The following CACNA1E variants were observed in gnomAD, a reference collection of about 807,000 sequenced individuals.
The protein encoded by CACNA1E is voltage-dependent R-type calcium channel subunit alpha-1E.
CACNA1E carries 40 observed loss-of-function variants against 259.2 expected under a neutral mutation model. The ratio of observed to expected loss-of-function variants is 0.15; its 90% CI spans 0.12 to 0.20. The LOEUF is 0.20. CACNA1E is among the 10% of genes least tolerant of loss of function. The pLI is 1.00. For missense variants in CACNA1E, 1,874 were observed against 3,040.1 expected (o/e 0.62, Z 9.02); for synonymous variants, 1,104 against 1,138.5 (o/e 0.97, Z 0.61).
chr1:181,363,374 G>A (rs1330970695), intron 1 of CACNA1E, among the ~76,000 whole-genome samples: 2 of 152,224 alleles, frequency 1.3e-5, no homozygotes, highest in African/African-American at 4.8e-5. Context: ...GAAGGAAGTA[G>A]AGAATCCATG....
chr1:181,465,490 A>G (rs961044592), intron 2 of CACNA1E, among the ~76,000 whole-genome samples: 1 of 151,956 alleles, frequency 6.6e-6, no homozygotes, highest in African/African-American at 2.4e-5. Flanking sequence ...TCTGTCTTCC[A>G]TGTCTGTTAA....
intron 7 of CACNA1E, among the ~76,000 whole-genome samples, chr1:181,687,289 G>C (rs928974323): frequency 1.3e-5 from 2 of 152,126 alleles, no homozygotes; most frequent in African/African-American, 4.8e-5. Flanking sequence ...GTTTTTTAAT[G>C]AACAATAGGA....
At chr1:181,439,463 T>C (rs1311349534) in intron 2 of CACNA1E, among the ~76,000 whole-genome samples, 1 of 152,086 alleles carries the variant, frequency 6.6e-6, no homozygotes, top group African/African-American at 2.4e-5. Context: ...TCCGAGTTGC[T>C]TGTGGTGTGA....
intron 3 of CACNA1E, among the ~76,000 whole-genome samples, chr1:181,547,074 A>C (rs1043724883): frequency 1.3e-5 from 2 of 152,146 alleles, no homozygotes; most frequent in Admixed American, 6.5e-5. Context: ...AACGGCCATG[A>C]AAATCTCACT....
intron 3 of CACNA1E, among the ~76,000 whole-genome samples, chr1:181,519,985 G>A (rs924831190): frequency 6.6e-6 from 1 of 152,020 alleles, no homozygotes; most frequent in Admixed American, 6.6e-5. Context: ...TGAAGTGAAG[G>A]TAAAACCTGC....
chr1:181,332,636 G>T (rs1011676262), intron 1 of CACNA1E, among the ~76,000 whole-genome samples: 14 of 152,152 alleles, frequency 9.2e-5, no homozygotes, highest in Middle Eastern at 3.2e-3. Flanking sequence ...TTCTAGTTTG[G>T]TGGGTGGGGA....
intron 3 of CACNA1E, among the ~76,000 whole-genome samples, chr1:181,546,366 G>A (rs995240103): frequency 2.0e-5 from 3 of 152,136 alleles, no homozygotes; most frequent in African/African-American, 7.2e-5. Flanking sequence ...AGGAATTAGG[G>A]CACTTGGAAG....
At chr1:181,516,484 T>C (rs558576278) in intron 3 of CACNA1E, among the ~76,000 whole-genome samples, 66 of 152,202 alleles carry the variant, frequency 4.3e-4, no homozygotes, top group African/African-American at 1.5e-3. Flanking sequence ...ACAGACAATT[T>C]AACTTGTCCA....
intron 1 of CACNA1E, among the ~76,000 whole-genome samples, chr1:181,375,526 T>G (rs927537397): frequency 6.6e-6 from 1 of 152,218 alleles, no homozygotes; most frequent in Non-Finnish European, 1.5e-5. Flanking sequence ...TTTTGTTTGG[T>G]GCTTACTTCG....
intron 32 of CACNA1E, among the ~76,000 whole-genome samples, chr1:181,762,157 T>C (rs1190910361): frequency 1.3e-5 from 2 of 152,242 alleles, no homozygotes; most frequent in African/African-American, 2.4e-5. Flanking sequence ...ACCATGGCAA[T>C]GGTTTCACAG....
intron 2 of CACNA1E, among the ~76,000 whole-genome samples, chr1:181,445,488 G>T (rs1202140723): frequency 1.7e-5 from 2 of 118,036 alleles, no homozygotes; most frequent in African/African-American, 4.5e-5. Flanking sequence ...ATGAAGGATG[G>T]AAGTGATTCT....
In CACNA1E at chr1:181,485,882, C is replaced by T. The variant is rs1202784401; in HGVS notation, c.266+1872C>T. Among the ~76,000 whole-genome samples, 1 of 152,232 alleles carries T rather than the reference C, an allele frequency of 6.6e-6. No homozygotes were observed. Among genetic ancestry groups the T allele is most frequent in the East Asian group, 1.9e-4 (1 of 5,194 alleles). ...CGGTAGACAAAGCCGCCCAACCGCC[C>T]CGCGGGTGGCAAAGTGTGCCAGCAG... On this transcript the variant is annotated intron_variant, in intron 1 of 47. Transcript: ENST00000367573. This position sits in a 1 kb window ranked among gnomAD's most constrained non-coding sequence, Gnocchi z 4.2.
At chr1:181,351,652 C>T (rs938119145) in intron 1 of CACNA1E, among the ~76,000 whole-genome samples, 1 of 152,172 alleles carries the variant, frequency 6.6e-6, no homozygotes, top group African/African-American at 2.4e-5. Flanking sequence ...CCTTGGCTTT[C>T]CCAGGTTCTG....
chr1:181,640,001 G>C (rs1463870130), intron 6 of CACNA1E, among the ~76,000 whole-genome samples: 1 of 152,186 alleles, frequency 6.6e-6, no homozygotes, highest in Non-Finnish European at 1.5e-5. Flanking sequence ...TCTGTCGTCT[G>C]ATACAGGCAC....
rs78005156 is a variant in CACNA1E, at chr1:181,800,021, C to G, written c.*1187C>G. On this transcript the variant is annotated 3_prime_UTR_variant, in exon 48 of 48. Coordinates refer to ENST00000367573, the MANE Select transcript of CACNA1E (RefSeq NM_001205293.3). ...AGAACACACATATCCAAGTAGGCTA[C>G]CCACCACTGGGTAGGGATTTCTGTA... 1 of 152,490 alleles carries G rather than the reference C, an allele frequency of 6.6e-6. No homozygotes were observed. Among genetic ancestry groups the G allele is most frequent in the East Asian group, 1.9e-4 (1 of 5,188 alleles). 9.4% of individuals were successfully genotyped at this position (152,490 alleles called of 1,614,324 possible). A position where few individuals can be genotyped will look rare whatever the true frequency, so the allele number is the denominator to read the frequency against.
chr1:181,623,544 A>G (rs910782609), intron 6 of CACNA1E, among the ~76,000 whole-genome samples: 3 of 152,244 alleles, frequency 2.0e-5, no homozygotes, highest in South Asian at 2.1e-4. Flanking sequence ...AATAAAATAC[A>G]TTTTAAATTC....
intron 7 of CACNA1E, among the ~76,000 whole-genome samples, chr1:181,670,465 T>C (rs1648680256): frequency 6.6e-6 from 1 of 152,158 alleles, no homozygotes; most frequent in South Asian, 2.1e-4. Context: ...AATTACTCTT[T>C]CCTGTTGAAG....
chr1:181,669,523 T>C (rs1015331916), intron 7 of CACNA1E, among the ~76,000 whole-genome samples: 1 of 152,228 alleles, frequency 6.6e-6, no homozygotes, highest in Non-Finnish European at 1.5e-5. Flanking sequence ...TATATACTCC[T>C]CTATTAGAGC....
intron 3 of CACNA1E, among the ~76,000 whole-genome samples, chr1:181,570,020 G>A (rs775580827): frequency 6.6e-6 from 1 of 152,164 alleles, no homozygotes; most frequent in African/African-American, 2.4e-5. Context: ...CAGGGCAGGT[G>A]TTGGCTCACA....
Sources: allele counts gnomAD v4.1 joint callset (sites outside exome capture counted in the v4.1 genomes callset), GRCh38; gene constraint gnomAD v4.1.1; non-coding constraint Gnocchi (gnomAD v3.1); transcripts MANE v1.5; gene names NCBI Gene and HGNC (gene_info 2026-07-23, HGNC 2026-07-21).